Variants in PNPLA8 observed in about 807,000 individuals in gnomAD.
PNPLA8 encodes patatin like domain 8, phospholipase A2.
Under a neutral mutation model 76.9 loss-of-function variants are expected in PNPLA8, and 39 were observed. The observed-to-expected ratio is 0.51, with a 90% CI of 0.39 to 0.66. The LOEUF is 0.66. PNPLA8 is among the 30% of genes least tolerant of loss of function. The probability of loss-of-function intolerance (pLI) is 0.00; values close to 1 mark genes in which losing one functional copy is unlikely to be tolerated. For synonymous variants in PNPLA8, 301 were observed against 307.9 expected (o/e 0.98, Z 0.24); for missense variants, 887 against 918.0 (o/e 0.97, Z 0.44).
At chr7:108,506,695 A>C (rs774489776) in intron 4 of PNPLA8, among the ~76,000 whole-genome samples, 1 of 151,560 alleles carries the variant, frequency 6.6e-6, no homozygotes, top group Non-Finnish European at 1.5e-5. Flanking sequence ...GGTTCTCACA[A>C]ACATAATATT....
chr7:108,480,890 C>A (rs1439713505), intron 9 of PNPLA8, among the ~76,000 whole-genome samples: 1 of 152,132 alleles, frequency 6.6e-6, no homozygotes, highest in African/African-American at 2.4e-5. Context: ...TCTTTGTAGG[C>A]ACCCCTCCTC....
intron 4 of PNPLA8, among the ~76,000 whole-genome samples, chr7:108,505,830 T>C (rs1322335276): frequency 6.6e-6 from 1 of 152,086 alleles, no homozygotes; most frequent in Non-Finnish European, 1.5e-5. Context: ...TTGTAAGACA[T>C]ACACATACAT....
chr7:108,497,112 C>T (rs775234295), intron 6 of PNPLA8, among the ~76,000 whole-genome samples: 52 of 152,182 alleles, frequency 3.4e-4, no homozygotes, highest in Admixed American at 1.0e-3. Context: ...AGATAATTCA[C>T]GTTCTTTCTA....
chr7:108,479,669 T>A (rs773213654), intron 9 of PNPLA8: 23 of 370,014 alleles, frequency 6.2e-5, no homozygotes, highest in Non-Finnish European at 1.2e-4. Context: ...AGACACATTA[T>A]CTTATTTAGT....
At chr7:108,515,774 G>A (rs538248364) in intron 2 of PNPLA8, among the ~76,000 whole-genome samples, 200 bp from the exon 3 acceptor site, 2 of 152,220 alleles carry the variant, frequency 1.3e-5, no homozygotes, top group South Asian at 4.1e-4. Context: ...AATAAAAAAA[G>A]AAAATGAGGA....
At chr7:108,499,950 G>T (rs1861821479) in intron 5 of PNPLA8, among the ~76,000 whole-genome samples, 1 of 152,134 alleles carries the variant, frequency 6.6e-6, no homozygotes, top group African/African-American at 2.4e-5. Flanking sequence ...TCTTTAAAAA[G>T]AAGTCTTGGT....
At chr7:108,482,019 A>AT (rs1379235070) in intron 9 of PNPLA8, among the ~76,000 whole-genome samples, 12 of 152,184 alleles carry the variant, frequency 7.9e-5, no homozygotes, top group Admixed American at 3.9e-4. Context: ...AAATGGCCAT[A>AT]TATGTGGGAG....
At chr7:108,526,507 C>T (rs528132468), upstream of PNPLA8, among the ~76,000 whole-genome samples, 2 of 152,180 alleles carry the variant, frequency 1.3e-5, no homozygotes, top group African/African-American at 2.4e-5. Context: ...GTTTGCGGGC[C>T]GCTATTCCCT....
chr7:108,502,330 C>G (rs1862012071), intron 5 of PNPLA8, among the ~76,000 whole-genome samples, 161 bp downstream of exon 5: 1 of 149,306 alleles, frequency 6.7e-6, no homozygotes, highest in Admixed American at 6.8e-5. Flanking sequence ...GTAAATCCAG[C>G]TACTTGAGAG....
chr7:108,499,483 C>G (rs1861793558), intron 5 of PNPLA8, among the ~76,000 whole-genome samples: 1 of 152,196 alleles, frequency 6.6e-6, no homozygotes, highest in East Asian at 1.9e-4. Context: ...CCGCACAAAC[C>G]TCCCATCTGG....
At chr7:108,500,304 C>T (rs1445292202) in intron 5 of PNPLA8, among the ~76,000 whole-genome samples, 1 of 152,154 alleles carries the variant, frequency 6.6e-6, no homozygotes, top group Non-Finnish European at 1.5e-5. Flanking sequence ...GGAACCAATT[C>T]TATGAACTAG....
At chr7:108,485,030 A>G (rs1361693127) in intron 9 of PNPLA8, among the ~76,000 whole-genome samples, 1 of 152,198 alleles carries the variant, frequency 6.6e-6, no homozygotes, top group Non-Finnish European at 1.5e-5. Context: ...TAATTTATTT[A>G]TGTTTATGTA....
intron 4 of PNPLA8, chr7:108,510,276 A>G (rs574916937): frequency 7.3e-5 from 115 of 1,581,526 alleles, no homozygotes; most frequent in Non-Finnish European, 9.3e-5. Flanking sequence ...GCTGTGCCAG[A>G]AACCCTTAAG....
chr7:108,476,192 T>G (rs1404191430), intron 10 of PNPLA8, among the ~76,000 whole-genome samples: 6 of 152,242 alleles, frequency 3.9e-5, no homozygotes, highest in African/African-American at 1.4e-4. Context: ...TTGTTATATC[T>G]TTTTCAAAGT....
At chr7:108,489,041 T>C (rs1002472574) in intron 8 of PNPLA8, among the ~76,000 whole-genome samples, 1 of 152,264 alleles carries the variant, frequency 6.6e-6, no homozygotes, top group South Asian at 2.1e-4. Context: ...ATAGTTGGCA[T>C]ATAAATATGG....
chr7:108,526,315 T>C (rs1401628615), upstream of PNPLA8: 3 of 154,562 alleles, frequency 1.9e-5, no homozygotes, highest in Non-Finnish European at 4.3e-5. Flanking sequence ...CAATAGAGCA[T>C]GACGGAGCGC....
intron 9 of PNPLA8, among the ~76,000 whole-genome samples, chr7:108,480,045 C>T (rs558526740): frequency 1.3e-5 from 2 of 152,160 alleles, no homozygotes; most frequent in Admixed American, 6.5e-5. Flanking sequence ...AAATATATTA[C>T]ATCATAAACA....
chr7:108,502,442 CAAAAAAAAAAAAA>C (rs369261888), intron 5 of PNPLA8, 36 bp downstream of exon 5: 28 of 623,264 alleles, frequency 4.5e-5, no homozygotes, highest in Middle Eastern at 3.4e-4. Flanking sequence ...AACTCCATCT[CAAAAAAAAAAAAA>C]AAAAAAAAAA....
chr7:108,519,890 C>T (rs747228388), intron 2 of PNPLA8, among the ~76,000 whole-genome samples: 13 of 152,144 alleles, frequency 8.5e-5, no homozygotes, highest in Non-Finnish European at 1.5e-4. Flanking sequence ...CCAAAGGACA[C>T]TTTCACAAGA....
Sources: gnomAD v4.1 joint callset for allele counts (sites outside exome capture counted in the v4.1 genomes callset) on GRCh38, gnomAD v4.1.1 for gene constraint, MANE v1.5 for transcripts, NCBI Gene and HGNC (gene_info 2026-07-23, HGNC 2026-07-21) for gene names.